MCM5: variants seen among roughly 807,000 people sequenced by gnomAD.
MCM5 encodes minichromosome maintenance complex component 5, also known as DNA replication licensing factor MCM5.
Under a neutral mutation model 79.9 loss-of-function variants are expected in MCM5, and 46 were observed. That is an observed-to-expected ratio of 0.58 (90% CI 0.45 to 0.74). The LOEUF is 0.74. MCM5 is among the 30% of genes least tolerant of loss of function. The pLI is 0.00. For missense variants in MCM5, 883 were observed against 1,017.0 expected, an observed-to-expected ratio of 0.87 and a Z score of 1.79; for synonymous variants, 404 against 390.5, an observed-to-expected ratio of 1.03 and a Z score of -0.41.
intron 4 of MCM5, among the ~76,000 whole-genome samples, chr22:35,405,115 T>G (rs1404955511): frequency 6.8e-6 from 1 of 147,050 alleles, no homozygotes; most frequent in Non-Finnish European, 1.5e-5. Flanking sequence ...AACTTCCGCC[T>G]CATGGGTTCA....
chr22:35,406,512 G>A (rs1232712529), intron 4 of MCM5, 41 bp from the exon 5 acceptor site: 9 of 1,584,792 alleles, frequency 5.7e-6, no homozygotes, highest in African/African-American at 1.3e-5. Flanking sequence ...ATGCGTCCTG[G>A]CTCCCCTTAA....
rs1931993811 is a variant in MCM5 at position 35,400,201 on chromosome 22, A to G, written c.-16A>G. 3.7e-6 allele frequency: 2 copies of G among 541,568 alleles called. No homozygotes were observed. Among genetic ancestry groups the G allele is most frequent in the Non-Finnish European group, 3.3e-6 (1 of 300,282 alleles). 33.5% of individuals were successfully genotyped at this position (541,568 alleles called of 1,614,324 possible). A position where few individuals can be genotyped will look rare whatever the true frequency, so the allele number is the denominator to read the frequency against. On this transcript the variant is annotated 5_prime_UTR_variant, in exon 1 of 17. Transcript: ENST00000216122. ...CTCCCCTGGTTTGTGAAGTGCGGAA[A>G]ACCAGAGGTGAGGCTAGTGGGAGTG...
chr22:35,433,582 C>T, the MCM5 span, among the ~76,000 whole-genome samples: 1,674 of 152,302 alleles, frequency 0.011, 22 homozygotes, highest in African/African-American at 0.031. Context: ...TTGGTTGCCA[C>T]GTGTTGCCAT....
the MCM5 span, among the ~76,000 whole-genome samples, chr22:35,440,924 G>A: frequency 2.0e-5 from 3 of 152,174 alleles, no homozygotes; most frequent in East Asian, 3.9e-4. Context: ...GGGTGTGGTG[G>A]CGCATGCCTG....
At chr22:35,403,149 T>C in intron 2 of MCM5, 58 bp from the exon 3 acceptor site, 1 of 1,596,662 alleles carries the variant, frequency 6.3e-7, no homozygotes, top group Non-Finnish European at 8.6e-7. Context: ...CCTCAGCCAG[T>C]GTTGGTTTCC....
intron 7 of MCM5, among the ~76,000 whole-genome samples, chr22:35,411,662 T>A (rs1932387463): frequency 1.3e-5 from 2 of 152,110 alleles, no homozygotes; most frequent in African/African-American, 4.8e-5. Flanking sequence ...GTGAATTGAT[T>A]CAGAGGGGTG....
the MCM5 span, among the ~76,000 whole-genome samples, chr22:35,441,660 G>T: frequency 3.0e-4 from 45 of 152,132 alleles, no homozygotes; most frequent in Non-Finnish European, 5.3e-4. Flanking sequence ...GGCAGAGGAG[G>T]ACTGGGCAAG....
At chr22:35,408,282 A>G (rs1932276398) in intron 5 of MCM5, 126 bp from the exon 6 acceptor site, 1 of 806,048 alleles carries the variant, frequency 1.2e-6, no homozygotes, top group Non-Finnish European at 2.0e-6. Context: ...GCTTATCTCC[A>G]GCTTATTCTG....
intron 8 of MCM5, 83 bp downstream of exon 8, chr22:35,412,764 G>A (rs1483435043): frequency 3.4e-6 from 4 of 1,190,674 alleles, no homozygotes; most frequent in Non-Finnish European, 4.4e-6. Context: ...AATCAGGACT[G>A]GGCACTCTTT....
the MCM5 span, among the ~76,000 whole-genome samples, chr22:35,451,562 G>A: frequency 1.3e-5 from 2 of 152,228 alleles, no homozygotes; most frequent in African/African-American, 2.4e-5. Context: ...TCTCCAGGTC[G>A]ACCAGGTGAC....
At chr22:35,436,218 C>T in the MCM5 span, among the ~76,000 whole-genome samples, 7 of 151,902 alleles carry the variant, frequency 4.6e-5, no homozygotes, top group South Asian at 2.1e-4. Flanking sequence ...TGGCTAGCCC[C>T]GATGGGTCCA....
At chr22:35,451,550 T>C in the MCM5 span, among the ~76,000 whole-genome samples, 2 of 152,238 alleles carry the variant, frequency 1.3e-5, no homozygotes, top group Non-Finnish European at 2.9e-5. Context: ...AGCCTGGCAG[T>C]GTCTCCAGGT....
At chr22:35,417,626 C>G (rs1016439237) in intron 12 of MCM5, 118 bp from the exon 13 acceptor site, 9 of 733,642 alleles carry the variant, frequency 1.2e-5, no homozygotes, top group Non-Finnish European at 2.2e-5. Flanking sequence ...ATCTCAGCAC[C>G]CTTTCCGGCT....
At chr22:35,441,804 G>A in the MCM5 span, among the ~76,000 whole-genome samples, 6 of 152,190 alleles carry the variant, frequency 3.9e-5, no homozygotes, top group African/African-American at 1.4e-4. Context: ...GCCAGGGAAG[G>A]AAAAAGCACA....
intron 4 of MCM5, among the ~76,000 whole-genome samples, chr22:35,404,244 G>T (rs192601678): frequency 3.6e-3 from 544 of 152,310 alleles, no homozygotes; most frequent in Non-Finnish European, 5.9e-3. Context: ...TCTAGATTCA[G>T]ATTGACCAAA....
intron 12 of MCM5, 43 bp from the exon 13 acceptor site, chr22:35,417,701 G>A: frequency 1.4e-6 from 2 of 1,401,646 alleles, no homozygotes; most frequent in East Asian, 2.3e-5. Flanking sequence ...ACTCAGGCTT[G>A]GGACGGCCTG....
intron 2 of MCM5, chr22:35,401,725 T>G (rs1283114102): frequency 8.5e-6 from 4 of 470,870 alleles, no homozygotes; most frequent in African/African-American, 2.0e-5. Flanking sequence ...AAGACGTGCT[T>G]CTTGTCCTAG....
chr22:35,426,984 G>C (rs534575326), downstream of MCM5, among the ~76,000 whole-genome samples: 8 of 152,294 alleles, frequency 5.3e-5, no homozygotes, highest in Non-Finnish European at 1.0e-4. Context: ...TTCTCTCTCT[G>C]TTCACAGATA....
downstream of MCM5, among the ~76,000 whole-genome samples, chr22:35,428,323 A>G (rs1932791006): frequency 1.3e-5 from 2 of 150,522 alleles, no homozygotes; most frequent in Admixed American, 1.3e-4. Context: ...CACCTGGCCT[A>G]TTTTATTATT....
Sources: allele counts gnomAD v4.1 joint callset (sites outside exome capture counted in the v4.1 genomes callset), GRCh38; gene constraint gnomAD v4.1.1; transcripts MANE v1.5; gene names NCBI Gene and HGNC (gene_info 2026-07-23, HGNC 2026-07-21).